RAB20: variants seen among roughly 807,000 people sequenced by gnomAD.
RAB20 encodes ras-related protein Rab-20.
Under a neutral mutation model 3.7 loss-of-function variants are expected in RAB20, and 2 were observed. That is an observed-to-expected ratio of 0.54 (90% CI 0.22 to 1.69). The LOEUF (loss-of-function observed/expected upper bound fraction) is 1.69. Ranked by LOEUF, RAB20 falls within the 40% of genes most tolerant of loss-of-function variation. The pLI is 0.19. For synonymous variants in RAB20, 126 were observed against 130.8 expected (o/e 0.96, Z 0.25); for missense variants, 276 against 311.9 (o/e 0.88, Z 0.87).
intron 1 of RAB20, among the ~76,000 whole-genome samples, chr13:110,545,270 C>T (rs189121137): frequency 6.6e-6 from 1 of 152,332 alleles, no homozygotes; most frequent in Admixed American, 6.5e-5. Flanking sequence ...AATTATTATG[C>T]ATTGCATGCC....
chr13:110,532,670 C>T (rs929781382), intron 1 of RAB20, among the ~76,000 whole-genome samples: 2 of 130,392 alleles, frequency 1.5e-5, no homozygotes, highest in Non-Finnish European at 3.2e-5. Flanking sequence ...AGGCACCACG[C>T]CCAGCCTATT....
At chr13:110,545,445 CTT>C (rs1388570929) in intron 1 of RAB20, among the ~76,000 whole-genome samples, 2 of 152,244 alleles carry the variant, frequency 1.3e-5, no homozygotes, top group Admixed American at 6.5e-5. Flanking sequence ...TGTGAATGCT[CTT>C]TGTCTGTGGT....
chr13:110,559,499 G>C (rs1047416287), intron 1 of RAB20, among the ~76,000 whole-genome samples: 1 of 152,216 alleles, frequency 6.6e-6, no homozygotes, highest in African/African-American at 2.4e-5. Context: ...CCACCGAGGA[G>C]GCAGGCAAGG....
At chr13:110,560,005 G>A (rs1439095508) in intron 1 of RAB20, among the ~76,000 whole-genome samples, 1 of 152,202 alleles carries the variant, frequency 6.6e-6, no homozygotes. Context: ...CAGCCAACCA[G>A]CAAAAGCAGC....
intron 1 of RAB20, among the ~76,000 whole-genome samples, chr13:110,541,512 C>G (rs1884763191): frequency 6.6e-6 from 1 of 152,192 alleles, no homozygotes. Flanking sequence ...CTCATTAACA[C>G]AAGATTCGCT....
chr13:110,552,594 G>A (rs1196362771), intron 1 of RAB20, among the ~76,000 whole-genome samples: 1 of 151,382 alleles, frequency 6.6e-6, no homozygotes, highest in African/African-American at 2.4e-5. Flanking sequence ...TCAGGAGGCT[G>A]AGGCAGGAGA....
intron 1 of RAB20, among the ~76,000 whole-genome samples, chr13:110,528,982 T>A (rs1179477237): frequency 6.6e-6 from 1 of 152,246 alleles, no homozygotes; most frequent in Non-Finnish European, 1.5e-5. Flanking sequence ...GCTTTGGAGA[T>A]AATGTATAGC....
chr13:110,547,942 T>C (rs1884884064), intron 1 of RAB20, among the ~76,000 whole-genome samples: 1 of 152,188 alleles, frequency 6.6e-6, no homozygotes, highest in Non-Finnish European at 1.5e-5. Context: ...AAAATATAGG[T>C]AAGCATTTCA....
In RAB20 at chr13:110,541,840, A is replaced by ACT. The variant is rs1555335863; in HGVS notation, c.173-17645_173-17644dup. ...GCCACACACACACACACACACACAC[A>ACT]CTCTCACATACATGCACGTACATGC... On this transcript the variant is annotated intron_variant, in intron 1 of 1. Transcript: ENST00000267328. Among the ~76,000 whole-genome samples, 39 of 149,604 alleles carry ACT rather than the reference A, an allele frequency of 2.6e-4. No homozygotes were observed. The East Asian group carries it at 4.9e-3, about 19-fold the overall frequency.
Position 110,561,695 on chromosome 13 carries a change from G to A in RAB20, c.-176C>T, listed in dbSNP as rs1885140091. ...AGCTCAAGAGAGGAAGCGCGTGTGCGCGCCCGGGAAGGAGCTGGGTGCAGA... is the reference window on the plus strand; with the variant it reads ...AGCTCAAGAGAGGAAGCGCGTGTGCACGCCCGGGAAGGAGCTGGGTGCAGA... On this transcript the variant is annotated 5_prime_UTR_variant, in exon 1 of 2. Coordinates refer to ENST00000267328, the MANE Select transcript of RAB20 (RefSeq NM_017817.3). 7 of 1,189,602 alleles carry A rather than the reference G, an allele frequency of 5.9e-6. No individual in the cohort carries two copies. Among genetic ancestry groups the A allele is most frequent in the East Asian group, 3.2e-5 (1 of 31,076 alleles). The allele number at this position is 1,189,602 out of a possible 1,614,324, so 73.7% of individuals were successfully genotyped here. A position where few individuals can be genotyped will look rare whatever the true frequency, so the allele number is the denominator to read the frequency against.
Position 110,523,317 on chromosome 13 carries a change from T to G in RAB20, c.*348A>C. ...GTGCTGAAACGGTCAGAGGTGCAGGTGCAGACGCAGGCTTCTGCCTCTGCA... is the reference window on the plus strand; with the variant it reads ...GTGCTGAAACGGTCAGAGGTGCAGGGGCAGACGCAGGCTTCTGCCTCTGCA... On this transcript the variant is annotated 3_prime_UTR_variant, in exon 2 of 2. Coordinates refer to ENST00000267328, the MANE Select transcript of RAB20 (RefSeq NM_017817.3). 2.1e-6 allele frequency: 1 copy of G among 486,218 alleles called. No homozygotes were observed. The highest frequency in any genetic ancestry group is 3.6e-6 in the Non-Finnish European group (1 of 278,512). The allele number at this position is 486,218 out of a possible 1,614,324, so 30.1% of individuals were successfully genotyped here. A position where few individuals can be genotyped will look rare whatever the true frequency, so the allele number is the denominator to read the frequency against.
chr13:110,547,358 G>A (rs964719977), intron 1 of RAB20, among the ~76,000 whole-genome samples: 1 of 152,200 alleles, frequency 6.6e-6, no homozygotes, highest in African/African-American at 2.4e-5. Context: ...AGCGTTAACA[G>A]GAATCTTAAC....
chr13:110,540,902 G>A (rs1166579443), intron 1 of RAB20, among the ~76,000 whole-genome samples: 3 of 152,092 alleles, frequency 2.0e-5, no homozygotes, highest in African/African-American at 4.8e-5. Context: ...CCACTGCCCC[G>A]ACCCTCACGG....
At position 110,532,265 on chromosome 13, in the gene RAB20, A is replaced by T. The variant is rs535168411; in HGVS notation, c.173-8068T>A. On this transcript the variant is annotated intron_variant, in intron 1 of 1. Coordinates refer to ENST00000267328, the MANE Select transcript of RAB20 (RefSeq NM_017817.3). ...AATTTACCCAGTGAAAGTGGGAAAT[A>T]AAAGGGCAGCTATTGAAATGTAAGA... 3.4e-4 allele frequency among the ~76,000 whole-genome samples: 52 copies of T among 152,378 alleles called. No individual in the cohort carries two copies. The South Asian group carries it at 4.3e-3, about 13-fold the overall frequency.
At chr13:110,532,477 A>G (rs1015653835) in intron 1 of RAB20, among the ~76,000 whole-genome samples, 7 of 151,932 alleles carry the variant, frequency 4.6e-5, no homozygotes, top group African/African-American at 1.7e-4. Flanking sequence ...CCAGGGTTCA[A>G]GCAATTCTCC....
At chr13:110,553,504 T>C (rs1002292353) in intron 1 of RAB20, among the ~76,000 whole-genome samples, 1 of 152,252 alleles carries the variant, frequency 6.6e-6, no homozygotes, top group African/African-American at 2.4e-5. Flanking sequence ...TAAATATGTT[T>C]GGCTTTCGGT....
At chr13:110,552,877 T>G (rs939252341) in intron 1 of RAB20, among the ~76,000 whole-genome samples, 2 of 152,192 alleles carry the variant, frequency 1.3e-5, no homozygotes, top group Non-Finnish European at 2.9e-5. Context: ...CTAAAGAGCC[T>G]GCAAGGTCCC....
intron 1 of RAB20, among the ~76,000 whole-genome samples, chr13:110,557,420 C>G (rs1885058707): frequency 6.6e-6 from 1 of 152,202 alleles, no homozygotes; most frequent in African/African-American, 2.4e-5. Flanking sequence ...AGGCAGATTG[C>G]TGGGAGGCTC....
chr13:110,535,496 G>C (rs537574880), intron 1 of RAB20, among the ~76,000 whole-genome samples: 2 of 152,170 alleles, frequency 1.3e-5, no homozygotes, highest in Non-Finnish European at 2.9e-5. Flanking sequence ...AACCACTCTG[G>C]GAAGTCTCTG....
Sources: gnomAD v4.1 joint callset for allele counts (sites outside exome capture counted in the v4.1 genomes callset) on GRCh38, gnomAD v4.1.1 for gene constraint, MANE v1.5 for transcripts, NCBI Gene and HGNC (gene_info 2026-07-23, HGNC 2026-07-21) for gene names.